The following STAB2 variants were observed in gnomAD, a reference collection of about 807,000 sequenced individuals.
The protein encoded by STAB2 is stabilin-2.
A neutral mutation model predicts 338.1 loss-of-function variants in STAB2; 288 were observed. The ratio of observed to expected loss-of-function variants is 0.85; its 90% CI spans 0.77 to 0.94. The LOEUF (loss-of-function observed/expected upper bound fraction) is 0.94. Ranked by LOEUF, STAB2 falls within the 40% of genes least tolerant of loss-of-function variation. The probability of loss-of-function intolerance (pLI) is 0.00; values close to 1 mark genes in which losing one functional copy is unlikely to be tolerated. For missense variants in STAB2, 3,141 were observed against 3,210.1 expected, an observed-to-expected ratio of 0.98 and a Z score of 0.52; for synonymous variants, 1,202 against 1,193.3, an observed-to-expected ratio of 1.01 and a Z score of -0.15.
At chr12:103,723,439 A>T (rs558193813) in intron 44 of STAB2, among the ~76,000 whole-genome samples, 2 of 152,354 alleles carry the variant, frequency 1.3e-5, no homozygotes, top group East Asian at 3.9e-4. Flanking sequence ...GACCTGCCCC[A>T]CAATTCAATC....
At chr12:103,668,943 G>T in intron 20 of STAB2, 1 of 500,526 alleles carries the variant, frequency 2.0e-6, no homozygotes, top group Non-Finnish European at 3.6e-6. Context: ...TCTTAACACA[G>T]ATCACACTCT....
intron 18 of STAB2, among the ~76,000 whole-genome samples, chr12:103,665,906 G>C (rs1343461618): frequency 6.6e-6 from 1 of 152,236 alleles, no homozygotes; most frequent in East Asian, 1.9e-4. Flanking sequence ...CCTTAAGTCT[G>C]TAACCAAAGC....
At position 103,708,549 on chromosome 12, in the gene STAB2, C is replaced by G. The variant is rs376654331; in HGVS notation, c.4288+13C>G. ...CATTGTGACAATGGTAAGAGTGAGG[C>G]CTCCAGTATTTATAATCTGCTCTAA... On this transcript the variant is annotated intron_variant, in intron 39 of 68. Coordinates refer to ENST00000388887, the MANE Select transcript of STAB2 (RefSeq NM_017564.10). 100 of 1,612,244 alleles carry G rather than the reference C, an allele frequency of 6.2e-5. No individual in the cohort carries two copies. Among genetic ancestry groups the G allele is most frequent in the Admixed American group, 6.7e-5 (4 of 59,994 alleles).
At chr12:103,598,888 A>G (rs922445745) in intron 3 of STAB2, among the ~76,000 whole-genome samples, 5 of 152,200 alleles carry the variant, frequency 3.3e-5, no homozygotes, top group African/African-American at 1.2e-4. Context: ...CCTATCCCCA[A>G]GGAGCTCACA....
At chr12:103,746,401 A>C in intron 57 of STAB2, 196 bp from the exon 58 acceptor site, 1 of 554,672 alleles carries the variant, frequency 1.8e-6, no homozygotes, top group South Asian at 2.2e-5. Context: ...ATCATGTCTT[A>C]CTATAAAAGA....
At chr12:103,659,912 A>G (rs756268190) in intron 15 of STAB2, among the ~76,000 whole-genome samples, 16 of 152,252 alleles carry the variant, frequency 1.1e-4, no homozygotes, top group Admixed American at 7.9e-4. Flanking sequence ...TAATAAATCA[A>G]GACTGTCTTA....
chr12:103,677,413 T>A (rs371038144), intron 24 of STAB2, 40 bp from the exon 25 acceptor site: 14 of 1,579,910 alleles, frequency 8.9e-6, no homozygotes, highest in Non-Finnish European at 1.2e-5. Context: ...GTGGCTGGAC[T>A]GAGGATTCAG....
rs546593260 is a variant in STAB2 at position 103,713,089 on chromosome 12, G to A, written c.4412-554G>A. Among the ~76,000 whole-genome samples the A allele has an allele frequency of 2.0e-5, 3 of 152,286 alleles. No homozygotes were observed. In the South Asian group the frequency reaches 6.2e-4, roughly 32 times the overall value. On this transcript the variant is annotated intron_variant, in intron 41 of 68. Coordinates refer to ENST00000388887, the MANE Select transcript of STAB2 (RefSeq NM_017564.10). ...ATTACCTTGGGAAAGTTTCTTGACT[G>A]CTCTTTGCATTATTATTTTTATCTG...
intron 51 of STAB2, among the ~76,000 whole-genome samples, chr12:103,734,484 C>T (rs1881945201): frequency 6.6e-6 from 1 of 152,004 alleles, no homozygotes; most frequent in Admixed American, 6.5e-5. Context: ...CATATAGGAG[C>T]ATGCACAGTC....
At position 103,683,268 on chromosome 12, in the gene STAB2, T is replaced by C. The variant is rs1203183869; in HGVS notation, c.2869T>C (p.Cys957Arg). Residue 957 changes from cysteine (C) to arginine (R), a missense_variant, in exon 26 of 69, where the codon TGC (cysteine) becomes CGC (arginine). Physicochemically the swap from Cys to Arg is radical, Grantham distance 180 (BLOSUM62 -3). Transcript: ENST00000388887. ...GATTGACTGTGAACCAATAACTTCA[T>C]GCTTGGAACAAACCGGGAAATGTCA... is the stretch of plus-strand genomic sequence containing the variant. ...NGIDCEPITS[C>R]LEQTGKCHPL... The C allele has an allele frequency of 1.2e-6, 2 of 1,612,486 alleles. No homozygotes were observed. Among genetic ancestry groups the C allele is most frequent in the Non-Finnish European group, 1.7e-6 (2 of 1,179,366 alleles).
intron 3 of STAB2, among the ~76,000 whole-genome samples, chr12:103,604,037 G>A (rs919780244): frequency 2.0e-5 from 3 of 152,118 alleles, no homozygotes; most frequent in African/African-American, 7.2e-5. Context: ...TATGGAAATA[G>A]AATTGATTTT....
At chr12:103,732,263 C>G (rs1320035789) in intron 50 of STAB2, among the ~76,000 whole-genome samples, 1 of 152,082 alleles carries the variant, frequency 6.6e-6, no homozygotes, top group Admixed American at 6.5e-5. Flanking sequence ...AAGCTGAGAT[C>G]GCACCACTGC....
In STAB2 at chr12:103,650,513, C is replaced by T; in HGVS notation, c.1192C>T (p.Pro398Ser). The stretch of plus-strand genomic sequence containing the variant: ...CTCCTAAGACAAAGCTTATGCCTGG[C>T]CACTGAGTAAGCTGGGACCCTTCAC... ...ISLLDKAYAW[P>S]LSKLGPFTVL... Residue 398 changes from proline (P) to serine (S), a missense_variant, in exon 11 of 69, where the codon CCA becomes TCA. Physicochemically the swap from Pro to Ser is moderately conservative, Grantham distance 74. Coordinates refer to ENST00000388887, the MANE Select transcript of STAB2 (RefSeq NM_017564.10). 6 of 1,613,154 alleles carry T rather than the reference C, an allele frequency of 3.7e-6. No homozygotes were observed. Among genetic ancestry groups the T allele is most frequent in the South Asian group, 1.1e-5 (1 of 91,058 alleles).
chr12:103,722,706 T>C (rs1190770802), intron 44 of STAB2, among the ~76,000 whole-genome samples: 4 of 151,832 alleles, frequency 2.6e-5, no homozygotes, highest in Non-Finnish European at 5.9e-5. Context: ...TGTTCATCTA[T>C]ACCTAGTACG....
chr12:103,753,590 G>A (rs1486515998), intron 61 of STAB2, among the ~76,000 whole-genome samples: 2 of 152,082 alleles, frequency 1.3e-5, no homozygotes, highest in Non-Finnish European at 2.9e-5. Flanking sequence ...TGAAGGCAGA[G>A]CAGGTGTTAC....
chr12:103,725,100 G>A lies in STAB2; in HGVS notation c.4803+6G>A, dbSNP rs373719274. The A allele has an allele frequency of 3.7e-5, 60 of 1,608,842 alleles. No homozygotes were observed. Among genetic ancestry groups the A allele is most frequent in the Middle Eastern group, 1.7e-4 (1 of 6,032 alleles). ...GCCGCGGCAGCATTTATCAGGTAAC[G>A]CGAGACATGTTTCCATCAAGTAAAC... On this transcript the variant is annotated splice_donor_region_variant and intron_variant, in intron 45 of 68. Transcript: ENST00000388887.
intron 3 of STAB2, among the ~76,000 whole-genome samples, chr12:103,595,020 A>G (rs540296475): frequency 1.3e-5 from 2 of 151,406 alleles, no homozygotes; most frequent in Non-Finnish European, 3.0e-5. Flanking sequence ...ATGCAAATAC[A>G]CATATACATA....
Position 103,641,360 on chromosome 12 carries a change from T to C in STAB2, c.1040+1104T>C, listed in dbSNP as rs1872912069. Among the ~76,000 whole-genome samples the C allele has an allele frequency of 2.6e-5, 4 of 152,322 alleles. No homozygotes were observed. The South Asian group carries it at 8.3e-4, about 32-fold the overall frequency. The stretch of plus-strand genomic sequence containing the variant: ...AGTCTGCCCCTTACCTTACCCTCTC[T>C]GAACTGATGTTTCTTCAACCATAAA... On this transcript the variant is annotated intron_variant, in intron 9 of 68. Transcript: ENST00000388887.
At chr12:103,738,296 C>G (rs1003571176) in intron 53 of STAB2, among the ~76,000 whole-genome samples, 8 of 152,128 alleles carry the variant, frequency 5.3e-5, no homozygotes, top group African/African-American at 1.7e-4. Context: ...AACTTCTATC[C>G]CAGGCCCTGC....
Sources: allele counts gnomAD v4.1 joint callset (sites outside exome capture counted in the v4.1 genomes callset), GRCh38; gene constraint gnomAD v4.1.1; transcripts MANE v1.5; gene names NCBI Gene and HGNC (gene_info 2026-07-23, HGNC 2026-07-21).